ZFYVE28: variants seen among roughly 807,000 people sequenced by gnomAD.
ZFYVE28 encodes the protein lateral signaling target protein 2 homolog.
Under a neutral mutation model 82.1 loss-of-function variants are expected in ZFYVE28, and 40 were observed. That is an observed-to-expected ratio of 0.49 (90% confidence interval 0.38 to 0.63). ZFYVE28 has a LOEUF of 0.63. ZFYVE28 is among the 30% of genes least tolerant of loss of function. The probability of loss-of-function intolerance (pLI) is 0.00; values close to 1 mark genes in which losing one functional copy is unlikely to be tolerated. For missense variants in ZFYVE28, 1,321 were observed against 1,242.1 expected (o/e 1.06, Z -0.96); for synonymous variants, 612 against 546.1 (o/e 1.12, Z -1.68).
At chr4:2,329,444 T>C (rs1033663043) in intron 6 of ZFYVE28, among the ~76,000 whole-genome samples, 2 of 152,156 alleles carry the variant, frequency 1.3e-5, no homozygotes, top group Non-Finnish European at 2.9e-5. Context: ...CTTAAAAAGG[T>C]AGGAAATTCT....
intron 7 of ZFYVE28, among the ~76,000 whole-genome samples, chr4:2,308,673 GAA>G (rs1560182321): frequency 2.6e-4 from 23 of 89,922 alleles, no homozygotes; most frequent in African/African-American, 1.0e-3. Flanking sequence ...AAGAAAGAAA[GAA>G]AGAGAAAGAA....
intron 1 of ZFYVE28, among the ~76,000 whole-genome samples, chr4:2,404,928 C>T (rs567937081): frequency 6.9e-6 from 1 of 144,588 alleles, no homozygotes. Context: ...TGCAGTGGCA[C>T]AGTCGTAGTT....
rs1486578412 is a variant in ZFYVE28 at position 2,332,257 on chromosome 4, G to A, written c.701+3448C>T. On this transcript the variant is annotated intron_variant, in intron 6 of 12. Transcript: ENST00000290974. The surrounding 1 kb of genome is among the most constrained non-coding windows in gnomAD (Gnocchi z 4.7). ...GTCCCAGGATGCCCACTTCACAGAGGCAGGATCCTGCGAGGGTGTGGGCCC... is the reference window on the plus strand; with the variant it reads ...GTCCCAGGATGCCCACTTCACAGAGACAGGATCCTGCGAGGGTGTGGGCCC... Among the ~76,000 whole-genome samples, 1 of 152,138 alleles carries A rather than the reference G, an allele frequency of 6.6e-6. No individual in the cohort carries two copies. The highest frequency in any genetic ancestry group is 1.5e-5 in the Non-Finnish European group (1 of 68,002).
At chr4:2,348,508 T>G (rs936943307) in intron 2 of ZFYVE28, among the ~76,000 whole-genome samples, 1 of 152,220 alleles carries the variant, frequency 6.6e-6, no homozygotes, top group Non-Finnish European at 1.5e-5. Flanking sequence ...TAATGAATAT[T>G]GATCCAAAAA....
At chr4:2,401,582 G>C (rs1731185533) in intron 1 of ZFYVE28, among the ~76,000 whole-genome samples, 1 of 152,112 alleles carries the variant, frequency 6.6e-6, no homozygotes, top group African/African-American at 2.4e-5. Flanking sequence ...TGAGTTCTGA[G>C]CCAAGGAAGA....
chr4:2,270,955 A>G, intron 12 of ZFYVE28, 99 bp from the exon 13 acceptor site: 2 of 1,508,536 alleles, frequency 1.3e-6, no homozygotes, highest in South Asian at 2.5e-5. Context: ...CTCAGGCCGC[A>G]TTGGTGGGTG....
At chr4:2,302,801 G>A (rs569696585) in intron 8 of ZFYVE28, among the ~76,000 whole-genome samples, 8 of 152,376 alleles carry the variant, frequency 5.3e-5, no homozygotes, top group East Asian at 3.9e-4. Context: ...GCGTGTTGCC[G>A]TGTGCCTCTA....
chr4:2,384,867 C>T (rs756266065), intron 1 of ZFYVE28, among the ~76,000 whole-genome samples: 1 of 152,230 alleles, frequency 6.6e-6, no homozygotes, highest in Non-Finnish European at 1.5e-5. Context: ...TCACACAGAA[C>T]TCTTGCCTTT....
intron 1 of ZFYVE28, among the ~76,000 whole-genome samples, chr4:2,382,287 T>C (rs7440564): frequency 0.84 from 128,066 of 152,266 alleles, 53,962 homozygotes; most frequent in Admixed American, 0.89. Flanking sequence ...CCACCGTCCT[T>C]CAGACCCCAG....
chr4:2,344,541 C>T (rs1472674761), intron 2 of ZFYVE28, among the ~76,000 whole-genome samples: 2 of 152,180 alleles, frequency 1.3e-5, no homozygotes, highest in South Asian at 2.1e-4. Flanking sequence ...AAAATATTTA[C>T]AGTAATACAA....
chr4:2,397,606 A>C (rs1190009497), intron 1 of ZFYVE28, among the ~76,000 whole-genome samples: 3 of 151,206 alleles, frequency 2.0e-5, no homozygotes, highest in Non-Finnish European at 4.4e-5. Context: ...CCTGGCCCCC[A>C]CCAGACTACT....
Position 2,332,347 on chromosome 4 carries a change from G to C in ZFYVE28, c.701+3358C>G, listed in dbSNP as rs1033234124. Among the ~76,000 whole-genome samples the C allele has an allele frequency of 1.3e-5, 2 of 152,080 alleles. No individual in the cohort carries two copies. Among genetic ancestry groups the C allele is most frequent in the African/African-American group, 4.8e-5 (2 of 41,404 alleles). On this transcript the variant is annotated intron_variant, in intron 6 of 12. Coordinates refer to ENST00000290974, the MANE Select transcript of ZFYVE28 (RefSeq NM_020972.3). The surrounding 1 kb of genome is among the most constrained non-coding windows in gnomAD (Gnocchi z 4.7). ...TCCTGCGGCCCCCTGGTCCTTGCTC[G>C]AGCCCTGGACTTGCCCCTGAGCATA...
rs1331235978 is a variant in ZFYVE28 at position 2,332,551 on chromosome 4, C to G, written c.701+3154G>C. On this transcript the variant is annotated intron_variant, in intron 6 of 12. Transcript: ENST00000290974. The surrounding 1 kb of genome is among the most constrained non-coding windows in gnomAD (Gnocchi z 4.7). ...CAGCACTGTGGGTCAGCCCATCTGT[C>G]CATCTCCCTGGTACAAGCACAGGGC... Among the ~76,000 whole-genome samples, 1 of 152,196 alleles carries G rather than the reference C, an allele frequency of 6.6e-6. No homozygotes were observed. Among genetic ancestry groups the G allele is most frequent in the African/African-American group, 2.4e-5 (1 of 41,446 alleles).
intron 1 of ZFYVE28, among the ~76,000 whole-genome samples, chr4:2,414,008 T>C (rs532065788): frequency 6.6e-6 from 1 of 152,368 alleles, no homozygotes; most frequent in African/African-American, 2.4e-5. Flanking sequence ...ATCTCTGCAC[T>C]TCGGGACCAA....
At chr4:2,365,663 G>A (rs1292335865) in intron 1 of ZFYVE28, among the ~76,000 whole-genome samples, 2 of 152,148 alleles carry the variant, frequency 1.3e-5, no homozygotes. Flanking sequence ...CTGGAAGACG[G>A]CCAGCACTGG....
chr4:2,352,354 G>A (rs1158976362), intron 2 of ZFYVE28, among the ~76,000 whole-genome samples: 2 of 152,026 alleles, frequency 1.3e-5, no homozygotes, highest in Non-Finnish European at 2.9e-5. Flanking sequence ...AGAGGCCAAG[G>A]ACTGGGCGTG....
intron 1 of ZFYVE28, among the ~76,000 whole-genome samples, chr4:2,356,288 G>T (rs1725301119): frequency 6.6e-6 from 1 of 152,206 alleles, no homozygotes; most frequent in Admixed American, 6.5e-5. Context: ...TTCACAGGAG[G>T]CTGACGGAGC....
chr4:2,305,607 C>T (rs778236405), intron 7 of ZFYVE28, 71 bp from the exon 8 acceptor site: 41 of 1,579,806 alleles, frequency 2.6e-5, no homozygotes, highest in South Asian at 8.0e-5. Context: ...CAGGAGTGGA[C>T]GCAGCACCCT....
At chr4:2,389,086 C>T (rs1729562352) in intron 1 of ZFYVE28, among the ~76,000 whole-genome samples, 1 of 152,144 alleles carries the variant, frequency 6.6e-6, no homozygotes, top group South Asian at 2.1e-4. Context: ...CAGATTCTCT[C>T]CTCCACCCAT....
Sources: allele counts gnomAD v4.1 joint callset (sites outside exome capture counted in the v4.1 genomes callset), GRCh38; gene constraint gnomAD v4.1.1; non-coding constraint Gnocchi (gnomAD v3.1); transcripts MANE v1.5; gene names NCBI Gene and HGNC (gene_info 2026-07-23, HGNC 2026-07-21).